LNPK: variants seen among roughly 807,000 people sequenced by gnomAD.
LNPK encodes the protein endoplasmic reticulum junction formation protein lunapark.
In LNPK, 29 loss-of-function variants were observed where a neutral mutation model predicts 55.2. That is an observed-to-expected ratio of 0.53 (90% CI 0.39 to 0.72). The LOEUF (loss-of-function observed/expected upper bound fraction) is 0.72. Ranked by LOEUF, LNPK falls within the 30% of genes least tolerant of loss-of-function variation. LNPK has a pLI of 0.00. For missense variants in LNPK, 467 were observed against 494.8 expected, an observed-to-expected ratio of 0.94 and a Z score of 0.53; for synonymous variants, 162 against 168.2, an observed-to-expected ratio of 0.96 and a Z score of 0.29.
At chr2:175,946,217 C>G (rs1016327745) in intron 9 of LNPK, among the ~76,000 whole-genome samples, 29 of 152,006 alleles carry the variant, frequency 1.9e-4, no homozygotes, top group Admixed American at 1.9e-3. Flanking sequence ...AAACTTTTTG[C>G]TTAAAATAAG....
intron 4 of LNPK, among the ~76,000 whole-genome samples, chr2:175,983,768 A>G (rs72912953): frequency 0.022 from 3,391 of 152,198 alleles, 61 homozygotes; most frequent in Non-Finnish European, 0.033. Flanking sequence ...TTTTTTTAAA[A>G]AACCTTTAAA....
chr2:175,933,724 GTTAA>G lies in LNPK; in HGVS notation c.1055-3529_1055-3526del, dbSNP rs1684393697. 2.3e-5 allele frequency among the ~76,000 whole-genome samples: 3 copies of G among 129,804 alleles called. No individual in the cohort carries two copies. The Admixed American group carries it at 2.8e-4, about 12-fold the overall frequency. 85.2% of individuals were successfully genotyped at this position (129,804 alleles called of 152,430 possible). A position where few individuals can be genotyped will look rare whatever the true frequency, so the allele number is the denominator to read the frequency against. Reference sequence around the variant, plus strand: ...ATTTCTGAGCAAATCAATTAGACAAGTTAAGGGTTTTTTTTTTTTTTTTTTGAGA... The same window carrying G: ...ATTTCTGAGCAAATCAATTAGACAAGGGGTTTTTTTTTTTTTTTTTTGAGA... On this transcript the variant is annotated intron_variant, in intron 12 of 12. Transcript: ENST00000272748.
At chr2:175,988,687 C>A (rs1183338126) in intron 4 of LNPK, among the ~76,000 whole-genome samples, 1 of 151,962 alleles carries the variant, frequency 6.6e-6, no homozygotes, top group Non-Finnish European at 1.5e-5. Context: ...AAATAAGAAT[C>A]AAGTATTTCT....
In LNPK at chr2:175,939,638, T is replaced by C; in HGVS notation, c.726A>G (p.Pro242=). 6.3e-7 allele frequency: 1 copy of C among 1,586,090 alleles called. No individual in the cohort carries two copies. Among genetic ancestry groups the C allele is most frequent in the South Asian group, 1.1e-5 (1 of 88,792 alleles). Residue 242 remains proline (P), a synonymous_variant, in exon 10 of 13, where the codon CCA becomes CCG. Transcript: ENST00000272748. Reference sequence around the variant, plus strand: ...GGGGGAGAATAGGTCTTGCTAAAGGTGGACCTGGAGGATGAAGACCTATTA... The same window carrying C: ...GGGGGAGAATAGGTCTTGCTAAAGGCGGACCTGGAGGATGAAGACCTATTA... ...VPGMGLHPPG[P]PLARPILPRE... is the part of the protein sequence containing the mutation.
In LNPK at chr2:175,925,486, ATG is replaced by A. The variant is rs1386560935; in HGVS notation, c.*4479_*4480del. 1.3e-5 allele frequency: 2 copies of A among 152,126 alleles called. No individual in the cohort carries two copies. Among genetic ancestry groups the A allele is most frequent in the Non-Finnish European group, 2.9e-5 (2 of 68,058 alleles). The allele number at this position is 152,126 out of a possible 1,614,324, so 9.4% of individuals were successfully genotyped here. On this transcript the variant is annotated 3_prime_UTR_variant, in exon 13 of 13. Coordinates refer to ENST00000272748, the MANE Select transcript of LNPK (RefSeq NM_030650.3). ...AAACACTACTATTGTTACTTTTAAA[ATG>A]TGTGTGTGGCAGGGGGAGGTGGCAG...
rs764093382 is a variant in LNPK at position 175,947,562 on chromosome 2, TGG to T, written c.622_623del (p.Pro208ArgfsTer50). The T allele has an allele frequency of 4.3e-6, 7 of 1,614,068 alleles. No homozygotes were observed. The highest frequency in any genetic ancestry group is 5.9e-6 in the Non-Finnish European group (7 of 1,179,972). The stretch of plus-strand genomic sequence containing the variant: ...ATAGGGCTGGAGTAACAGTCCTTTC[TGG>T]GGGTCCACCAGGGGCAGAACTGTCC... ...PKDSSAPGGP[P>X]ERTVTPALSS... On this transcript the variant is annotated frameshift_variant, in exon 9 of 13. Transcript: ENST00000272748. LOFTEE classifies it high-confidence loss of function.
At chr2:175,947,119 A>C (rs1165313892) in intron 9 of LNPK, among the ~76,000 whole-genome samples, 1 of 152,188 alleles carries the variant, frequency 6.6e-6, no homozygotes, top group Non-Finnish European at 1.5e-5. Flanking sequence ...TTGAGCAAAA[A>C]ACATCAATAC....
At chr2:175,969,150 T>C (rs16863483) in intron 6 of LNPK, among the ~76,000 whole-genome samples, 2,708 of 152,216 alleles carry the variant, frequency 0.018, 74 homozygotes, top group African/African-American at 0.061. Context: ...ATCAAGTAAA[T>C]GCAAATTGTG....
At position 175,929,559 on chromosome 2, in the gene LNPK, C is replaced by CA; in HGVS notation, c.*407dup. 1.0e-6 allele frequency: 1 copy of CA among 993,952 alleles called. No homozygotes were observed. Among genetic ancestry groups the CA allele is most frequent in the Non-Finnish European group, 1.2e-6 (1 of 835,096 alleles). 61.6% of individuals were successfully genotyped at this position (993,952 alleles called of 1,614,324 possible). On this transcript the variant is annotated 3_prime_UTR_variant, in exon 13 of 13. Transcript: ENST00000272748. Reference sequence around the variant, plus strand: ...TATCAATTTTTAATAATGAAGTAGTCAAAATCTTAACCAAGTTTCATTCCT... The same window carrying CA: ...TATCAATTTTTAATAATGAAGTAGTCAAAAATCTTAACCAAGTTTCATTCCT...
intron 6 of LNPK, among the ~76,000 whole-genome samples, chr2:175,969,982 C>T (rs764869368): frequency 6.6e-6 from 1 of 152,100 alleles, no homozygotes; most frequent in African/African-American, 2.4e-5. Flanking sequence ...TTAATTATTA[C>T]TTGTTACATA....
intron 4 of LNPK, among the ~76,000 whole-genome samples, chr2:175,986,902 T>TA (rs1162530652): frequency 6.8e-6 from 1 of 147,482 alleles, no homozygotes; most frequent in African/African-American, 2.5e-5. Context: ...CTCTACAACT[T>TA]AACATTGTCC....
chr2:175,977,772 A>T (rs975506312), intron 5 of LNPK, among the ~76,000 whole-genome samples: 31 of 152,238 alleles, frequency 2.0e-4, no homozygotes, highest in Admixed American at 1.5e-3. Context: ...ATAATTTTTT[A>T]AAAAATTTTT....
chr2:175,946,935 A>G (rs1323658069), intron 9 of LNPK, among the ~76,000 whole-genome samples: 2 of 152,140 alleles, frequency 1.3e-5, no homozygotes, highest in Non-Finnish European at 2.9e-5. Flanking sequence ...GAGATAATCT[A>G]TGAAATAAAG....
rs151019286 is a variant in LNPK, at chr2:175,970,555, T to G, written c.357+209A>C. ...CTTCTCAGCTTCCAACTGATACAGA[T>G]TCTCAGAATCTCAAAAGTCCTTCTA... On this transcript the variant is annotated intron_variant, in intron 6 of 12. Coordinates refer to ENST00000272748, the MANE Select transcript of LNPK (RefSeq NM_030650.3). Among the ~76,000 whole-genome samples, 860 of 151,938 alleles carry G rather than the reference T, an allele frequency of 5.7e-3. 8 individuals are homozygous for G. Among genetic ancestry groups the G allele is most frequent in the African/African-American group, 0.02 (809 of 41,268 alleles).
In LNPK at chr2:175,925,700, T is replaced by C. The variant is rs914357123; in HGVS notation, c.*4267A>G. Reference sequence around the variant, plus strand: ...TTTTTTTGAGATGGAGTTTCACTCTTGTTGCCCAGGCTGGAGTACAATGGC... The same window carrying C: ...TTTTTTTGAGATGGAGTTTCACTCTCGTTGCCCAGGCTGGAGTACAATGGC... On this transcript the variant is annotated 3_prime_UTR_variant, in exon 13 of 13. Transcript: ENST00000272748. 1.9e-5 allele frequency: 3 copies of C among 155,440 alleles called. No homozygotes were observed. The highest frequency in any genetic ancestry group is 4.2e-5 in the Non-Finnish European group (3 of 71,194). The allele number at this position is 155,440 out of a possible 1,614,324, so 9.6% of individuals were successfully genotyped here.
intron 5 of LNPK, among the ~76,000 whole-genome samples, chr2:175,975,187 A>G (rs1170059570): frequency 6.6e-6 from 1 of 152,176 alleles, no homozygotes; most frequent in Non-Finnish European, 1.5e-5. Context: ...AAACTACAGC[A>G]AACATCATAC....
chr2:175,958,548 C>T (rs1426917417), intron 8 of LNPK, among the ~76,000 whole-genome samples: 1 of 152,142 alleles, frequency 6.6e-6, no homozygotes, highest in Non-Finnish European at 1.5e-5. Flanking sequence ...ACATCTACAC[C>T]AAAACCCCAT....
In LNPK at chr2:175,931,034, C is replaced by G. The variant is rs144312295; in HGVS notation, c.1055-835G>C. Among the ~76,000 whole-genome samples the G allele has an allele frequency of 6.9e-3, 1,053 of 152,132 alleles. 17 individuals carry two copies. The highest frequency in any genetic ancestry group is 0.024 in the African/African-American group (1,010 of 41,504). On this transcript the variant is annotated intron_variant, in intron 12 of 12. Transcript: ENST00000272748. ...CTTTAATTCTTTAAGGTTTAAAGAA[C>G]AGGATGGAGGAGGGAATGACTGGAG...
At chr2:175,958,356 G>A (rs1685806982) in intron 8 of LNPK, among the ~76,000 whole-genome samples, 1 of 152,174 alleles carries the variant, frequency 6.6e-6, no homozygotes, top group South Asian at 2.1e-4. Flanking sequence ...CTGGGACGAA[G>A]CGTCCACAGG....
Sources: allele counts gnomAD v4.1 joint callset (sites outside exome capture counted in the v4.1 genomes callset), GRCh38; gene constraint gnomAD v4.1.1; transcripts MANE v1.5; gene names NCBI Gene and HGNC (gene_info 2026-07-23, HGNC 2026-07-21).